PARP1: variants seen among roughly 807,000 people sequenced by gnomAD.
The protein encoded by PARP1 is poly [ADP-ribose] polymerase 1.
PARP1 carries 44 observed loss-of-function variants against 118.7 expected under a neutral mutation model. The observed-to-expected ratio is 0.37, with a 90% CI of 0.29 to 0.48. PARP1 has a LOEUF of 0.48. Among genes scored for constraint, PARP1 ranks in the 20% least tolerant of loss-of-function variants. The pLI is 0.99. For synonymous variants in PARP1, 492 were observed against 483.2 expected, an observed-to-expected ratio of 1.02 and a Z score of -0.24; for missense variants, 1,100 against 1,272.4, an observed-to-expected ratio of 0.86 and a Z score of 2.06.
At chr1:226,383,785 A>G (rs771763447) in intron 7 of PARP1, among the ~76,000 whole-genome samples, 2 of 152,228 alleles carry the variant, frequency 1.3e-5, no homozygotes, top group Non-Finnish European at 2.9e-5. Flanking sequence ...TGGTCACTCA[A>G]TAAGTATCAA....
chr1:226,375,036 A>T (rs545306027), intron 13 of PARP1, among the ~76,000 whole-genome samples: 1 of 152,250 alleles, frequency 6.6e-6, no homozygotes, highest in East Asian at 1.9e-4. Context: ...GTATGAGGGT[A>T]TAGACGGTGC....
chr1:226,403,959 C>T (rs1174726912), intron 1 of PARP1, among the ~76,000 whole-genome samples: 2 of 152,144 alleles, frequency 1.3e-5, no homozygotes, highest in African/African-American at 4.8e-5. Flanking sequence ...CTGTGAGTGG[C>T]CTCTTTCTGG....
chr1:226,392,640 C>A, intron 2 of PARP1: 1 of 537,744 alleles, frequency 1.9e-6, no homozygotes, highest in Non-Finnish European at 3.3e-6. Context: ...AGGTGCTTAC[C>A]TTAAAAGCCT....
At chr1:226,388,846 C>G (rs1471723361) in intron 4 of PARP1, 91 bp from the exon 5 acceptor site, 5 of 965,576 alleles carry the variant, frequency 5.2e-6, no homozygotes, top group Non-Finnish European at 8.4e-6. Context: ...TAATGTCATT[C>G]TATCAACTCC....
intron 3 of PARP1, among the ~76,000 whole-genome samples, chr1:226,391,410 A>G (rs1482007602): frequency 6.6e-6 from 1 of 152,076 alleles, no homozygotes; most frequent in African/African-American, 2.4e-5. Flanking sequence ...TATTCCCAGG[A>G]GAGTTCCAGG....
intron 4 of PARP1, among the ~76,000 whole-genome samples, chr1:226,389,528 A>C (rs1226211161): frequency 6.6e-6 from 1 of 152,196 alleles, no homozygotes; most frequent in Non-Finnish European, 1.5e-5. Flanking sequence ...AGGGCTTCAT[A>C]TAGTGTCTGG....
At chr1:226,364,730 T>A (rs961161460) in intron 19 of PARP1, among the ~76,000 whole-genome samples, 1 of 152,258 alleles carries the variant, frequency 6.6e-6, no homozygotes, top group Non-Finnish European at 1.5e-5. Flanking sequence ...GGACTCAGCT[T>A]GGCCTGTAGC....
chr1:226,379,433 C>G, intron 11 of PARP1, 140 bp downstream of exon 11: 1 of 1,172,930 alleles, frequency 8.5e-7, no homozygotes, highest in Non-Finnish European at 1.3e-6. Context: ...ACTGGGGGAG[C>G]TGGTGAAGGA....
intron 1 of PARP1, among the ~76,000 whole-genome samples, chr1:226,406,320 A>G (rs141102094): frequency 3.3e-5 from 5 of 152,326 alleles, no homozygotes; most frequent in Admixed American, 3.3e-4. Context: ...TCTACCTACC[A>G]TCCCACAGAC....
rs1396916105 is a variant in PARP1 at position 226,363,116 on chromosome 1, C to G, written c.2831G>C (p.Gly944Ala). ...HASHISKLPK[G>A]KHSVKGLGKT... ...CACTTTACCTTTGACACTGTGCTTG[C>G]CCTTGGGTAACTTGCTGATATGTGA... The change falls in exon 21 of 23, where the codon GGC becomes GCC. Residue 944 changes from glycine to alanine, a missense_variant. Around this residue, in one of 2 missense-constraint regions of PARP1, gnomAD observed 152 missense variants for 240.6 expected, o/e 0.63. Coordinates refer to ENST00000366794, the MANE Select transcript of PARP1 (RefSeq NM_001618.4). 1.2e-6 allele frequency: 2 copies of G among 1,613,610 alleles called. No homozygotes were observed. The highest frequency in any genetic ancestry group is 1.3e-5 in the African/African-American group (1 of 75,054).
chr1:226,367,667 C>T, intron 16 of PARP1, 59 bp from the exon 17 acceptor site: 1 of 1,604,048 alleles, frequency 6.2e-7, no homozygotes, highest in Non-Finnish European at 8.5e-7. Context: ...ACAGACTCAC[C>T]CAGGTGGCAG....
Position 226,392,807 on chromosome 1 carries a change from G to A in PARP1, c.287-493C>T, listed in dbSNP as rs1311776444. The A allele has an allele frequency of 3.8e-5, 31 of 815,052 alleles. No homozygotes were observed. The Admixed American group carries it at 1.0e-3, about 26-fold the overall frequency. The allele number at this position is 815,052 out of a possible 1,614,324, so 50.5% of individuals were successfully genotyped here. ...GTATCATTTCAAATTAGTGGGAAAA[G>A]GTTGAATTATTCAATAAAGAGTTCT... On this transcript the variant is annotated intron_variant, in intron 2 of 22. Coordinates refer to ENST00000366794, the MANE Select transcript of PARP1 (RefSeq NM_001618.4).
At chr1:226,369,018 G>A (rs1044949301) in intron 15 of PARP1, among the ~76,000 whole-genome samples, 2 of 152,196 alleles carry the variant, frequency 1.3e-5, no homozygotes, top group African/African-American at 2.4e-5. Context: ...CCTGCTTCTC[G>A]CTGTGACATG....
chr1:226,385,500 T>C lies in PARP1; in HGVS notation c.1011+4A>G. 1 of 1,613,578 alleles carries C rather than the reference T, an allele frequency of 6.2e-7. No homozygotes were observed. Among genetic ancestry groups the C allele is most frequent in the Non-Finnish European group, 8.5e-7 (1 of 1,179,616 alleles). Reference sequence around the variant, plus strand: ...AGATCCCAGGATCTTCCCCTACCCCTTACCTTTGGGGTTACCCACTCCTTC... The same window carrying C: ...AGATCCCAGGATCTTCCCCTACCCCCTACCTTTGGGGTTACCCACTCCTTC... On this transcript the variant is annotated splice_donor_region_variant and intron_variant, in intron 7 of 22. Coordinates refer to ENST00000366794, the MANE Select transcript of PARP1 (RefSeq NM_001618.4).
chr1:226,392,975 GAGGTTCT>G, intron 2 of PARP1: 2 of 1,561,800 alleles, frequency 1.3e-6, no homozygotes, highest in Non-Finnish European at 1.7e-6. Context: ...CATGGTATTG[GAGGTTCT>G]AGTAAGTGCA....
rs778933132 is a variant in PARP1, at chr1:226,361,429, C to A, written c.*31G>T. ...CGCTTCGGGTGAATTCATACCAGAG[C>A]CACCGGGTGTGACTCGGCTACCTCT... On this transcript the variant is annotated 3_prime_UTR_variant, in exon 23 of 23. Coordinates refer to ENST00000366794, the MANE Select transcript of PARP1 (RefSeq NM_001618.4). The A allele has an allele frequency of 3.4e-6, 5 of 1,474,634 alleles. No homozygotes were observed. In the South Asian group the frequency reaches 5.7e-5, roughly 17 times the overall value. 91.3% of individuals were successfully genotyped at this position (1,474,634 alleles called of 1,614,324 possible).
chr1:226,390,740 C>A, intron 3 of PARP1, 116 bp from the exon 4 acceptor site: 1 of 912,686 alleles, frequency 1.1e-6, no homozygotes. Context: ...AAGGCCTGCC[C>A]GCCAACTTGA....
At chr1:226,397,541 G>A (rs542242761) in intron 2 of PARP1, among the ~76,000 whole-genome samples, 1 of 152,282 alleles carries the variant, frequency 6.6e-6, no homozygotes, top group African/African-American at 2.4e-5. Flanking sequence ...AATGTTGGAG[G>A]TGGGGCCTGG....
chr1:226,379,528 T>C (rs1272361791), intron 11 of PARP1, 45 bp downstream of exon 11: 1 of 1,493,160 alleles, frequency 6.7e-7, no homozygotes, highest in South Asian at 1.1e-5. Flanking sequence ...AGCTGGGGGT[T>C]GGGGGGCGGC....
Sources: gnomAD v4.1 joint callset for allele counts (sites outside exome capture counted in the v4.1 genomes callset) on GRCh38, gnomAD v4.1.1 for gene constraint, gnomAD v4.1.1 regional missense constraint, MANE v1.5 for transcripts, NCBI Gene and HGNC (gene_info 2026-07-23, HGNC 2026-07-21) for gene names.